The following PTPRD variants were observed in gnomAD, a reference collection of about 807,000 sequenced individuals.
PTPRD encodes protein tyrosine phosphatase receptor type D.
Under a neutral mutation model 214.5 loss-of-function variants are expected in PTPRD, and 34 were observed. That is an observed-to-expected ratio of 0.16 (90% CI 0.12 to 0.21). PTPRD has a LOEUF of 0.21. PTPRD is among the 10% of genes least tolerant of loss of function. The pLI, the probability that PTPRD is intolerant of heterozygous loss-of-function variation, is 1.00. For synonymous variants in PTPRD, 1,128 were observed against 845.7 expected, an observed-to-expected ratio of 1.33 and a Z score of -5.79; for missense variants, 2,545 against 2,398.7, an observed-to-expected ratio of 1.06 and a Z score of -1.27.
chr9:9,622,313 G>A (rs750220243), intron 7 of PTPRD, among the ~76,000 whole-genome samples: 47 of 152,080 alleles, frequency 3.1e-4, no homozygotes, highest in Non-Finnish European at 5.7e-4. Flanking sequence ...CATATACCAC[G>A]CAATCAAGTA....
At chr9:10,132,886 A>G (rs2098908208) in intron 3 of PTPRD, among the ~76,000 whole-genome samples, 1 of 152,148 alleles carries the variant, frequency 6.6e-6, no homozygotes, top group Non-Finnish European at 1.5e-5. Context: ...GCCCTTATGC[A>G]ATCCCCTCCC....
At chr9:10,589,072 TTGTCTCA>T (rs1175503830) in intron 2 of PTPRD, among the ~76,000 whole-genome samples, 2 of 151,954 alleles carry the variant, frequency 1.3e-5, no homozygotes, top group Non-Finnish European at 2.9e-5. Context: ...TTGCATAGAG[TTGTCTCA>T]TGTATAGAAT....
intron 10 of PTPRD, among the ~76,000 whole-genome samples, chr9:9,101,283 G>A (rs972186218): frequency 2.6e-5 from 4 of 152,070 alleles, no homozygotes; most frequent in African/African-American, 9.7e-5. Flanking sequence ...ATTCATTGCT[G>A]GAAGAAATTT....
chr9:8,602,372 T>C (rs982274460), intron 14 of PTPRD, among the ~76,000 whole-genome samples: 1 of 152,292 alleles, frequency 6.6e-6, no homozygotes, highest in Middle Eastern at 3.4e-3. Context: ...TGGTGGTGCT[T>C]CTTCTCTCCA....
intron 30 of PTPRD, among the ~76,000 whole-genome samples, chr9:8,477,653 C>A (rs2096792217): frequency 1.3e-5 from 2 of 152,182 alleles, no homozygotes. Flanking sequence ...CTCATGGCAA[C>A]CCACTGACTT....
intron 12 of PTPRD, among the ~76,000 whole-genome samples, chr9:8,661,781 T>G (rs1047618188): frequency 6.6e-6 from 1 of 152,374 alleles, no homozygotes; most frequent in Middle Eastern, 3.4e-3. Context: ...TGAGTGCTTG[T>G]GACCTATGCA....
At chr9:8,568,103 A>T (rs2089965925) in intron 14 of PTPRD, among the ~76,000 whole-genome samples, 1 of 152,160 alleles carries the variant, frequency 6.6e-6, no homozygotes, top group South Asian at 2.1e-4. Flanking sequence ...GTTATATTCT[A>T]AATACTGCAA....
intron 40 of PTPRD, 63 bp downstream of exon 40, chr9:8,341,630 C>A (rs573541117): frequency 1.9e-5 from 30 of 1,563,142 alleles, no homozygotes; most frequent in Non-Finnish European, 2.5e-5. Flanking sequence ...AGTAAAGCCA[C>A]GACTCAAAGA....
chr9:10,450,415 T>A (rs942602913), intron 2 of PTPRD, among the ~76,000 whole-genome samples: 1 of 151,996 alleles, frequency 6.6e-6, no homozygotes, highest in African/African-American at 2.4e-5. Context: ...TATAAGCAAT[T>A]TGTATTATTT....
chr9:10,174,214 A>T (rs927258800), intron 3 of PTPRD, among the ~76,000 whole-genome samples: 1 of 152,134 alleles, frequency 6.6e-6, no homozygotes, highest in Non-Finnish European at 1.5e-5. Context: ...CCAATGTTGG[A>T]GGTGGAATCT....
chr9:8,713,225 C>T (rs2098382238), intron 12 of PTPRD: 1 of 587,182 alleles, frequency 1.7e-6, no homozygotes, highest in Admixed American at 3.0e-5. Context: ...GTATCCAGTT[C>T]GCTCCTAAAC....
intron 3 of PTPRD, among the ~76,000 whole-genome samples, chr9:10,178,944 G>C (rs923019065): frequency 6.6e-6 from 1 of 151,748 alleles, no homozygotes; most frequent in Non-Finnish European, 1.5e-5. Context: ...TACAGGTGAG[G>C]AAATACAGGA....
chr9:9,246,191 G>A lies in PTPRD; in HGVS notation c.-202-62828C>T, dbSNP rs1364840326. Among the ~76,000 whole-genome samples the A allele has an allele frequency of 3.9e-5, 6 of 151,978 alleles. No individual in the cohort carries two copies. The East Asian group carries it at 5.8e-4, about 15-fold the overall frequency. On this transcript the variant is annotated intron_variant, in intron 9 of 45. Coordinates refer to ENST00000381196, the MANE Select transcript of PTPRD (RefSeq NM_002839.4). ...TAGACTCTAGCTCATTGTTTTTGCA[G>A]GTTTGTTGTCCACCTGAATTCTGGG...
intron 3 of PTPRD, among the ~76,000 whole-genome samples, chr9:10,210,475 C>T (rs973824095): frequency 2.0e-5 from 3 of 151,796 alleles, no homozygotes; most frequent in Admixed American, 1.3e-4. Flanking sequence ...GAAGACAACA[C>T]CAATATTTTG....
intron 7 of PTPRD, among the ~76,000 whole-genome samples, chr9:9,604,271 C>G (rs2093996687): frequency 6.6e-6 from 1 of 151,972 alleles, no homozygotes. Context: ...AAATGTATTT[C>G]TTTTAATTCA....
intron 14 of PTPRD, among the ~76,000 whole-genome samples, chr9:8,552,698 A>C (rs1486317890): frequency 2.6e-5 from 4 of 151,630 alleles, no homozygotes; most frequent in Admixed American, 6.6e-5. Context: ...AGGAAAGAAG[A>C]AGCCAAATGC....
rs561842231 is a variant in PTPRD, at chr9:8,365,754, G to A, written c.4661+10182C>T. ...TGCAGCAAAAGCAATTGTCTCAAAA[G>A]GCCTTGTAGCTTCCCCTTTGATGTC... On this transcript the variant is annotated intron_variant, in intron 39 of 45. Coordinates refer to ENST00000381196, the MANE Select transcript of PTPRD (RefSeq NM_002839.4). Among the ~76,000 whole-genome samples the A allele has an allele frequency of 2.0e-5, 3 of 152,266 alleles. No individual in the cohort carries two copies. The East Asian group carries it at 5.8e-4, about 29-fold the overall frequency.
chr9:8,644,110 C>G (rs149996982), intron 12 of PTPRD, among the ~76,000 whole-genome samples: 3 of 152,142 alleles, frequency 2.0e-5, no homozygotes, highest in Admixed American at 6.5e-5. Context: ...CAAAAAGGCA[C>G]GACTCTCTCT....
intron 2 of PTPRD, among the ~76,000 whole-genome samples, chr9:10,454,709 G>C (rs1490706789): frequency 1.3e-5 from 2 of 151,742 alleles, no homozygotes; most frequent in East Asian, 3.9e-4. Context: ...TCCAGGATTT[G>C]CATTAATTGT....
Sources: gnomAD v4.1 joint callset for allele counts (sites outside exome capture counted in the v4.1 genomes callset) on GRCh38, gnomAD v4.1.1 for gene constraint, MANE v1.5 for transcripts, NCBI Gene and HGNC (gene_info 2026-07-23, HGNC 2026-07-21) for gene names.